TNFRSF19: variants seen among roughly 807,000 people sequenced by gnomAD.
TNFRSF19 encodes TNF receptor superfamily member 19.
In TNFRSF19, 27 loss-of-function variants were observed where a neutral mutation model predicts 46.4. The observed-to-expected ratio is 0.58, with a 90% CI of 0.43 to 0.80. The LOEUF (loss-of-function observed/expected upper bound fraction) is 0.80. Ranked by LOEUF, TNFRSF19 falls within the 30% of genes least tolerant of loss-of-function variation. The pLI, the probability that TNFRSF19 is intolerant of heterozygous loss-of-function variation, is 0.00. For synonymous variants in TNFRSF19, 204 were observed against 205.0 expected, an observed-to-expected ratio of 1.00 and a Z score of 0.04; for missense variants, 511 against 530.8, an observed-to-expected ratio of 0.96 and a Z score of 0.37.
chr13:23,670,053 G>T (rs1006169641), intron 9 of TNFRSF19, among the ~76,000 whole-genome samples: 1 of 152,142 alleles, frequency 6.6e-6, no homozygotes, highest in Non-Finnish European at 1.5e-5. Flanking sequence ...CTCCAGAGGG[G>T]CCTCACTTCC....
intron 9 of TNFRSF19, among the ~76,000 whole-genome samples, chr13:23,670,836 TCATCCGTG>T (rs1217254218): frequency 2.0e-5 from 3 of 152,232 alleles, no homozygotes; most frequent in African/African-American, 7.2e-5. Flanking sequence ...GTCTAGTGCA[TCATCCGTG>T]CCTCTCTTGT....
intron 5 of TNFRSF19, among the ~76,000 whole-genome samples, chr13:23,654,580 C>G (rs1217002262): frequency 1.3e-5 from 2 of 152,194 alleles, no homozygotes; most frequent in East Asian, 3.9e-4. Flanking sequence ...GCTCTGTGGC[C>G]TGGCTGAGTT....
At chr13:23,588,496 T>C (rs1293993220) in intron 1 of TNFRSF19, among the ~76,000 whole-genome samples, 1 of 152,214 alleles carries the variant, frequency 6.6e-6, no homozygotes, top group Non-Finnish European at 1.5e-5. Context: ...TCCAGACTAA[T>C]TGCTCGAATA....
chr13:23,585,801 G>A (rs879377210), intron 1 of TNFRSF19, among the ~76,000 whole-genome samples: 3 of 152,170 alleles, frequency 2.0e-5, no homozygotes, highest in Non-Finnish European at 4.4e-5. Context: ...GGGAGTGGTG[G>A]AGACTAGTGC....
chr13:23,576,814 G>T (rs1181485780), intron 1 of TNFRSF19, among the ~76,000 whole-genome samples: 1 of 152,070 alleles, frequency 6.6e-6, no homozygotes, highest in African/African-American at 2.4e-5. Context: ...ATCTGCAGTT[G>T]GTTGAAGCCA....
chr13:23,590,626 C>A (rs1289177806), intron 2 of TNFRSF19, among the ~76,000 whole-genome samples: 2 of 152,194 alleles, frequency 1.3e-5, no homozygotes, highest in Admixed American at 1.3e-4. Context: ...TGAGCCACCA[C>A]CCCCAGCCCA....
chr13:23,582,654 G>A (rs1312781943), intron 1 of TNFRSF19, among the ~76,000 whole-genome samples: 2 of 152,162 alleles, frequency 1.3e-5, no homozygotes, highest in Non-Finnish European at 2.9e-5. Flanking sequence ...TCCTGATGGT[G>A]AACACATAAA....
intron 7 of TNFRSF19, among the ~76,000 whole-genome samples, chr13:23,662,136 T>C (rs9510797): frequency 0.39 from 59,300 of 152,048 alleles, 11,689 homozygotes; most frequent in East Asian, 0.5. Context: ...ATGGTATTGC[T>C]TAGGTTTTCT....
At chr13:23,604,011 A>G (rs1880345719) in intron 3 of TNFRSF19, among the ~76,000 whole-genome samples, 1 of 151,992 alleles carries the variant, frequency 6.6e-6, no homozygotes, top group African/African-American at 2.4e-5. Flanking sequence ...ACCAAGACAA[A>G]ATAAAAAAAA....
chr13:23,633,829 A>G (rs1272043434), intron 5 of TNFRSF19, among the ~76,000 whole-genome samples: 2 of 152,250 alleles, frequency 1.3e-5, no homozygotes, highest in African/African-American at 2.4e-5. Flanking sequence ...AGCCTGGGTG[A>G]CAAGAGCGAA....
intron 9 of TNFRSF19, 104 bp from the exon 10 acceptor site, chr13:23,673,268 T>TA (rs1951784906): frequency 1.6e-6 from 2 of 1,278,018 alleles, no homozygotes; most frequent in Admixed American, 2.2e-5. Flanking sequence ...TATCCATGTA[T>TA]ACTACTAGTA....
chr13:23,590,274 T>C, intron 2 of TNFRSF19, 22 bp downstream of exon 2: 3 of 1,439,194 alleles, frequency 2.1e-6, no homozygotes, highest in Non-Finnish European at 2.9e-6. Flanking sequence ...CCTTTTTTCT[T>C]TCATAAGAAT....
intron 7 of TNFRSF19, among the ~76,000 whole-genome samples, chr13:23,665,508 C>T (rs1477294938): frequency 6.6e-6 from 1 of 152,102 alleles, no homozygotes; most frequent in African/African-American, 2.4e-5. Context: ...AGAAATCAGT[C>T]ATAATTACAG....
At chr13:23,643,330 C>G (rs1053307430) in intron 5 of TNFRSF19, among the ~76,000 whole-genome samples, 4 of 152,158 alleles carry the variant, frequency 2.6e-5, no homozygotes, top group African/African-American at 9.7e-5. Flanking sequence ...CAGTAGAGAG[C>G]TTTGATTCAT....
At chr13:23,574,554 C>CTT (rs1877838673) in intron 1 of TNFRSF19, among the ~76,000 whole-genome samples, 1 of 152,060 alleles carries the variant, frequency 6.6e-6, no homozygotes, top group Non-Finnish European at 1.5e-5. Flanking sequence ...CCTCCCTAAG[C>CTT]CATGAAGGCA....
intron 1 of TNFRSF19, among the ~76,000 whole-genome samples, chr13:23,581,043 G>C (rs1878374894): frequency 6.6e-6 from 1 of 152,180 alleles, no homozygotes; most frequent in South Asian, 2.1e-4. Context: ...CTGAGTCCAG[G>C]CTGGATCTTG....
At chr13:23,638,171 T>C (rs1882810299) in intron 5 of TNFRSF19, among the ~76,000 whole-genome samples, 1 of 152,174 alleles carries the variant, frequency 6.6e-6, no homozygotes, top group African/African-American at 2.4e-5. Context: ...ACGTTATGGG[T>C]CCGTAGACTA....
chr13:23,606,107 A>C (rs1452648622), intron 3 of TNFRSF19, among the ~76,000 whole-genome samples: 1 of 152,142 alleles, frequency 6.6e-6, no homozygotes. Context: ...GAACCTAAAA[A>C]CTGCTGTAAA....
At chr13:23,590,960 A>G (rs1444415201) in intron 2 of TNFRSF19, among the ~76,000 whole-genome samples, 1 of 152,242 alleles carries the variant, frequency 6.6e-6, no homozygotes, top group African/African-American at 2.4e-5. Flanking sequence ...AAAAGTTATT[A>G]TTTTATATAG....
Sources: gnomAD v4.1 joint callset for allele counts (sites outside exome capture counted in the v4.1 genomes callset) on GRCh38, gnomAD v4.1.1 for gene constraint, MANE v1.5 for transcripts, NCBI Gene and HGNC (gene_info 2026-07-23, HGNC 2026-07-21) for gene names.